MTRFR: variants seen among roughly 807,000 people sequenced by gnomAD.
MTRFR encodes the protein mitochondrial translation release factor in rescue, also known as probable peptide chain release factor C12orf65, mitochondrial.
In MTRFR, 10 loss-of-function variants were observed where a neutral mutation model predicts 11.9. The observed-to-expected ratio is 0.84, with a 90% CI of 0.52 to 1.42. The LOEUF is 1.42. Ranked by LOEUF, MTRFR falls within the 40% of genes most tolerant of loss-of-function variation. The pLI is 0.00. For missense variants in MTRFR, 196 were observed against 197.9 expected (o/e 0.99, Z 0.06); for synonymous variants, 77 against 79.1 (o/e 0.97, Z 0.14).
At chr12:123,239,406 T>G (rs1306416216) in intron 1 of MTRFR, among the ~76,000 whole-genome samples, 7 of 87,664 alleles carry the variant, frequency 8.0e-5, no homozygotes, top group Non-Finnish European at 1.0e-4. Flanking sequence ...AGTTTTGTTT[T>G]TTTGTTTGTT....
chr12:123,251,853 T>C (rs2048116395), intron 1 of MTRFR, among the ~76,000 whole-genome samples: 3 of 152,198 alleles, frequency 2.0e-5, no homozygotes, highest in East Asian at 1.9e-4. Context: ...TCCTGTCTGC[T>C]ATGATCCCAG....
At chr12:123,255,967 A>G (rs1354114288) in intron 2 of MTRFR, among the ~76,000 whole-genome samples, 1 of 151,988 alleles carries the variant, frequency 6.6e-6, no homozygotes, top group Non-Finnish European at 1.5e-5. Flanking sequence ...GGGTCTTGCT[A>G]TGTTGCCCAC....
chr12:123,256,707 T>G, intron 2 of MTRFR, 106 bp from the exon 3 acceptor site: 2 of 885,432 alleles, frequency 2.3e-6, no homozygotes, highest in Middle Eastern at 2.8e-4. Flanking sequence ...AATAAATAAA[T>G]AAATAGTAAA....
chr12:123,254,095 T>C (rs1343702899), intron 2 of MTRFR, 139 bp downstream of exon 2: 3 of 977,454 alleles, frequency 3.1e-6, no homozygotes, highest in East Asian at 2.6e-5. Flanking sequence ...AGCCAGGCAG[T>C]AGAGAGCACC....
At position 123,257,678 on chromosome 12, in the gene MTRFR, G is replaced by A. The variant is rs565651935; in HGVS notation, c.*647G>A. On this transcript the variant is annotated 3_prime_UTR_variant, in exon 3 of 3. Transcript: ENST00000253233. ...GCACTCCACCTGTCCACTTGTTCTT[G>A]TGTGACAGAACAAGACCCTGTCTCT... 233 of 152,772 alleles carry A rather than the reference G, an allele frequency of 1.5e-3. No individual in the cohort carries two copies. Among genetic ancestry groups the A allele is most frequent in the African/African-American group, 5.4e-3 (224 of 41,568 alleles). 9.5% of individuals were successfully genotyped at this position (152,772 alleles called of 1,614,324 possible).
chr12:123,236,878 G>A, intron 1 of MTRFR, among the ~76,000 whole-genome samples: 1 of 150,826 alleles, frequency 6.6e-6, no homozygotes, highest in South Asian at 2.1e-4. Flanking sequence ...GAGGTCAGGA[G>A]TTCAACACCA....
chr12:123,241,670 A>AT (rs2047939905), intron 1 of MTRFR, among the ~76,000 whole-genome samples: 1 of 151,114 alleles, frequency 6.6e-6, no homozygotes. Context: ...AGGTCTCCCT[A>AT]TGTTGCACAG....
chr12:123,241,168 T>A (rs969992026), intron 1 of MTRFR, among the ~76,000 whole-genome samples: 17 of 151,702 alleles, frequency 1.1e-4, no homozygotes, highest in East Asian at 1.9e-4. Flanking sequence ...GTTTTTTTTT[T>A]AATAAAAGAG....
rs2048195351 is a variant in MTRFR at position 123,257,440 on chromosome 12, T to C, written c.*409T>C. 2.0e-5 allele frequency: 4 copies of C among 202,800 alleles called. No individual in the cohort carries two copies. Among genetic ancestry groups the C allele is most frequent in the Admixed American group, 1.6e-4 (3 of 18,438 alleles). The allele number at this position is 202,800 out of a possible 1,614,324, so 12.6% of individuals were successfully genotyped here. On this transcript the variant is annotated 3_prime_UTR_variant, in exon 3 of 3. Transcript: ENST00000253233. ...CCGAGGCAGGAGAATTGCGTGAACCTGGGAGGCGGAGGTTGCAGTGAGCTG... is the reference window on the plus strand; with the variant it reads ...CCGAGGCAGGAGAATTGCGTGAACCCGGGAGGCGGAGGTTGCAGTGAGCTG...
chr12:123,242,899 G>A (rs1157694895), intron 1 of MTRFR, among the ~76,000 whole-genome samples: 1 of 152,152 alleles, frequency 6.6e-6, no homozygotes, highest in African/African-American at 2.4e-5. Flanking sequence ...GAAGTGCGGG[G>A]CTCATGTTCC....
chr12:123,251,632 G>A (rs1426517687), intron 1 of MTRFR: 2 of 152,844 alleles, frequency 1.3e-5, no homozygotes, highest in Admixed American at 6.5e-5. Flanking sequence ...TGTGTGTTCG[G>A]GAGAGGAGGA....
chr12:123,245,956 G>T (rs1273947710), intron 1 of MTRFR, among the ~76,000 whole-genome samples: 1 of 152,186 alleles, frequency 6.6e-6, no homozygotes, highest in South Asian at 2.1e-4. Context: ...GAGAAGTGGT[G>T]AGAGTAGGAA....
At position 123,257,055 on chromosome 12, in the gene MTRFR, G is replaced by A. The variant is rs1296272356; in HGVS notation, c.*24G>A. The A allele has an allele frequency of 1.3e-6, 2 of 1,575,570 alleles. No individual in the cohort carries two copies. Among genetic ancestry groups the A allele is most frequent in the Non-Finnish European group, 1.7e-6 (2 of 1,147,364 alleles). On this transcript the variant is annotated 3_prime_UTR_variant, in exon 3 of 3. Transcript: ENST00000253233. ...GAGAAAAGAATTAGAGATTCCAACT[G>A]ACAGAATCTGCCAGAAGCTCCCAGG...
chr12:123,234,716 G>C (rs2047811091), intron 1 of MTRFR, among the ~76,000 whole-genome samples: 1 of 152,140 alleles, frequency 6.6e-6, no homozygotes, highest in South Asian at 2.1e-4. Flanking sequence ...GGGTAAATTT[G>C]ATGTTATCCT....
intron 1 of MTRFR, among the ~76,000 whole-genome samples, chr12:123,242,285 G>A (rs980279645): frequency 3.9e-5 from 6 of 152,150 alleles, no homozygotes; most frequent in African/African-American, 1.4e-4. Context: ...CCAGCCCTAC[G>A]CCGAAGCTCA....
At chr12:123,256,702 A>C in intron 2 of MTRFR, 111 bp from the exon 3 acceptor site, 1 of 874,342 alleles carries the variant, frequency 1.1e-6, no homozygotes, top group Non-Finnish European at 1.8e-6. Context: ...GTCTCAATAA[A>C]TAAATAAATA....
At chr12:123,233,409 TA>T (rs1370167078), upstream of MTRFR, 5 of 152,200 alleles carry the variant, frequency 3.3e-5, no homozygotes, top group African/African-American at 1.2e-4. Flanking sequence ...CTCTGGTAGA[TA>T]AGAGAAACCG....
chr12:123,253,573 T>C, intron 1 of MTRFR, 74 bp from the exon 2 acceptor site: 1 of 1,435,230 alleles, frequency 7.0e-7, no homozygotes, highest in Non-Finnish European at 9.8e-7. Flanking sequence ...TATAAAAAGC[T>C]GTCTTTGAAT....
In MTRFR at chr12:123,253,855, G is replaced by A. The variant is rs768652922; in HGVS notation, c.181G>A (p.Glu61Lys). ...GCTTTCCTTGGATGAGAATGAACTCGAAGAGCAGTTTGTGAAAGGACACGG... is the reference window on the plus strand; with the variant it reads ...GCTTTCCTTGGATGAGAATGAACTCAAAGAGCAGTTTGTGAAAGGACACGG... The part of the protein sequence containing the change: ...ALLSLDENEL[E>K]EQFVKGHGPG... The change falls in exon 2 of 3, where the codon GAA becomes AAA. Residue 61 changes from glutamate to lysine, a missense_variant. Glu to Lys is a moderately conservative substitution (Grantham distance 56). Transcript: ENST00000253233. The A allele has an allele frequency of 5.4e-5, 87 of 1,614,086 alleles. No individual in the cohort carries two copies. Among genetic ancestry groups the A allele is most frequent in the South Asian group, 9.9e-5 (9 of 91,094 alleles).
Sources: gnomAD v4.1 joint callset for allele counts (sites outside exome capture counted in the v4.1 genomes callset) on GRCh38, gnomAD v4.1.1 for gene constraint, MANE v1.5 for transcripts, NCBI Gene and HGNC (gene_info 2026-07-23, HGNC 2026-07-21) for gene names.